The following DAB1 variants were observed in gnomAD, a reference collection of about 807,000 sequenced individuals.
DAB1 encodes the protein disabled homolog 1.
A neutral mutation model predicts 64.6 loss-of-function variants in DAB1; 15 were observed. The ratio of observed to expected loss-of-function variants is 0.23; its 90% CI spans 0.16 to 0.36. The LOEUF is 0.36. Among genes scored for constraint, DAB1 ranks in the 10% least tolerant of loss-of-function variants. DAB1 has a pLI of 1.00. For synonymous variants in DAB1, 235 were observed against 251.9 expected, an observed-to-expected ratio of 0.93 and a Z score of 0.64; for missense variants, 596 against 706.7, an observed-to-expected ratio of 0.84 and a Z score of 1.78.
chr1:57,348,138 C>A (rs1180679476), intron 1 of DAB1, among the ~76,000 whole-genome samples: 1 of 152,118 alleles, frequency 6.6e-6, no homozygotes, highest in African/African-American at 2.4e-5. Context: ...CTGAAGGAGA[C>A]AAAATTGTAT....
In DAB1 at chr1:57,424,050, G is replaced by A. The variant is rs971560752; in HGVS notation, c.-257C>T. The A allele has an allele frequency of 2.6e-5, 4 of 152,244 alleles. No homozygotes were observed. The highest frequency in any genetic ancestry group is 5.9e-5 in the Non-Finnish European group (4 of 67,848). The allele number at this position is 152,244 out of a possible 1,614,324, so 9.4% of individuals were successfully genotyped here. The stretch of plus-strand genomic sequence containing the variant: ...GCCCGGGGAAGCCCGGGCGAGCGCC[G>A]AGCTGGGTCCATCCTCCCCGGGAGC... On this transcript the variant is annotated 5_prime_UTR_variant, in exon 1 of 15. Transcript: ENST00000371236.
At chr1:57,268,112 C>T (rs374440072) in intron 2 of DAB1, among the ~76,000 whole-genome samples, 8 of 152,140 alleles carry the variant, frequency 5.3e-5, no homozygotes, top group Non-Finnish European at 8.8e-5. Flanking sequence ...ACTAATGAAA[C>T]CTTACAATTC....
chr1:57,898,840 TTG>T (rs376695106), intron 5 of DAB1, among the ~76,000 whole-genome samples: 7 of 151,902 alleles, frequency 4.6e-5, no homozygotes, highest in African/African-American at 1.7e-4. Context: ...TGTATCTACA[TTG>T]TGTGTGTGTG....
intron 5 of DAB1, among the ~76,000 whole-genome samples, chr1:58,001,394 G>T (rs1325464686): frequency 6.6e-6 from 1 of 152,116 alleles, no homozygotes; most frequent in African/African-American, 2.4e-5. Context: ...CTCCTGAGTT[G>T]CTGGGATTAC....
At chr1:58,440,308 T>C (rs944497120) in intron 3 of DAB1, among the ~76,000 whole-genome samples, 3 of 152,344 alleles carry the variant, frequency 2.0e-5, no homozygotes, top group Non-Finnish European at 4.4e-5. Context: ...TTGGGCTAGA[T>C]GCTGAGCTTA....
rs1644341978 is a variant in DAB1 at position 58,377,636 on chromosome 1, G to T, written n.258-34233C>A. On this transcript the variant is annotated intron_variant and non_coding_transcript_variant, in intron 3 of 20. Transcript: ENST00000485760. The stretch of plus-strand genomic sequence containing the variant: ...CATTTTTTCCTTCATTTCAACTTTG[G>T]TGAATCTGACAATTATGTGTCTTGG... Among the ~76,000 whole-genome samples, 2 of 138,842 alleles carry T rather than the reference G, an allele frequency of 1.4e-5. 1 individual carries two copies. The highest frequency in any genetic ancestry group is 5.4e-5 in the African/African-American group (2 of 36,718). The allele number at this position is 138,842 out of a possible 152,430, so 91.1% of individuals were successfully genotyped here. A position where few individuals can be genotyped will look rare whatever the true frequency, so the allele number is the denominator to read the frequency against.
intron 4 of DAB1, among the ~76,000 whole-genome samples, chr1:58,175,729 G>T (rs1656432859): frequency 6.6e-6 from 1 of 152,084 alleles, no homozygotes; most frequent in African/African-American, 2.4e-5. Context: ...CAATTTTGCA[G>T]ATGGATAAAC....
intron 4 of DAB1, among the ~76,000 whole-genome samples, chr1:58,166,554 T>C (rs1655842424): frequency 6.6e-6 from 1 of 152,202 alleles, no homozygotes; most frequent in Non-Finnish European, 1.5e-5. Flanking sequence ...TACGTGAACA[T>C]TTGAAGTGTT....
intron 7 of DAB1, among the ~76,000 whole-genome samples, chr1:57,519,125 C>A (rs1054771419): frequency 7.2e-5 from 11 of 152,158 alleles, no homozygotes; most frequent in Non-Finnish European, 1.3e-4. Flanking sequence ...CCAAAATGAC[C>A]TCATTACTAT....
rs376667408 is a variant in DAB1, at chr1:57,911,912, C to G, written n.388-27750G>C. Among the ~76,000 whole-genome samples, 59 of 152,272 alleles carry G rather than the reference C, an allele frequency of 3.9e-4. 3 individuals carry two copies. In the South Asian group the frequency reaches 0.012, roughly 31 times the overall value. On this transcript the variant is annotated intron_variant and non_coding_transcript_variant, in intron 5 of 20. Coordinates refer to the DAB1 transcript ENST00000485760. ...TGCTTCACTTCACCCTTCCCATTTG[C>G]TCTTTCAACCCATCAAACTATTTTA...
At chr1:57,600,097 C>G (rs1645558568) in intron 7 of DAB1, among the ~76,000 whole-genome samples, 1 of 152,140 alleles carries the variant, frequency 6.6e-6, no homozygotes, top group Non-Finnish European at 1.5e-5. Flanking sequence ...GGCCATGTCT[C>G]TGTGCCCCCT....
intron 4 of DAB1, among the ~76,000 whole-genome samples, chr1:58,220,308 G>T (rs1251869877): frequency 6.6e-6 from 1 of 152,186 alleles, no homozygotes; most frequent in African/African-American, 2.4e-5. Context: ...TGGCCCAAGA[G>T]ATTCTGATTT....
intron 3 of DAB1, among the ~76,000 whole-genome samples, chr1:58,345,757 C>T (rs773387946): frequency 3.9e-5 from 6 of 152,130 alleles, no homozygotes; most frequent in Non-Finnish European, 8.8e-5. Flanking sequence ...TCTGCTTCCT[C>T]ACCCACCCCC....
intron 3 of DAB1, among the ~76,000 whole-genome samples, chr1:58,437,159 C>A (rs779920428): frequency 2.0e-5 from 3 of 152,164 alleles, no homozygotes; most frequent in Non-Finnish European, 2.9e-5. Flanking sequence ...TGTGAATGTG[C>A]CTAAGAGCCG....
chr1:57,753,137 T>C (rs900892834), intron 6 of DAB1, among the ~76,000 whole-genome samples: 1 of 152,152 alleles, frequency 6.6e-6, no homozygotes, highest in South Asian at 2.1e-4. Flanking sequence ...TGGCCTACTC[T>C]TGCTCATGTC....
intron 1 of DAB1, among the ~76,000 whole-genome samples, chr1:57,881,719 G>A (rs1644146708): frequency 6.6e-6 from 1 of 152,140 alleles, no homozygotes; most frequent in African/African-American, 2.4e-5. Context: ...AAATAGATGT[G>A]TGGGGGATGA....
At chr1:57,537,951 T>C (rs1644749917) in intron 7 of DAB1, among the ~76,000 whole-genome samples, 2 of 152,010 alleles carry the variant, frequency 1.3e-5, no homozygotes, top group Admixed American at 1.3e-4. Context: ...TAGGGGGGCA[T>C]GCAAGGCTTT....
intron 6 of DAB1, among the ~76,000 whole-genome samples, chr1:57,789,339 G>C (rs1197615620): frequency 1.3e-5 from 2 of 152,056 alleles, no homozygotes; most frequent in African/African-American, 4.8e-5. Context: ...GGAAACAGAG[G>C]GTATGGCCCC....
chr1:57,292,115 G>A (rs368942353), intron 1 of DAB1, among the ~76,000 whole-genome samples: 14 of 152,194 alleles, frequency 9.2e-5, no homozygotes, highest in African/African-American at 2.6e-4. Flanking sequence ...ATGGATCTTC[G>A]AATTGTGCAG....
Sources: allele counts gnomAD v4.1 joint callset (sites outside exome capture counted in the v4.1 genomes callset), GRCh38; gene constraint gnomAD v4.1.1; transcripts MANE v1.5; gene names NCBI Gene and HGNC (gene_info 2026-07-23, HGNC 2026-07-21).